Variants in SPRY3 observed in about 807,000 individuals in gnomAD.
The protein encoded by SPRY3 is protein sprouty homolog 3.
SPRY3 carries 15 observed loss-of-function variants against 20.2 expected under a neutral mutation model. The observed-to-expected ratio is 0.74, with a 90% CI of 0.50 to 1.14. The LOEUF is 1.14. SPRY3 is among the 50% of genes most tolerant of loss of function. The pLI is 0.00. For synonymous variants in SPRY3, 143 were observed against 136.5 expected (o/e 1.05, Z -0.33); for missense variants, 364 against 363.9 (o/e 1.00, Z 0.00).
chrX:155,774,624 C>T, exon 4 of SPRY3: 4 of 1,613,966 alleles, frequency 2.5e-6, no homozygotes, highest in Non-Finnish European at 2.5e-6. Context: ...GCCAACAGGG[C>T]TATGATAGCC....
At chrX:155,681,044 A>G (rs1047537302) in intron 2 of SPRY3, among the ~76,000 whole-genome samples, 1 of 111,084 alleles carries the variant, frequency 9.0e-6, no homozygotes, top group African/African-American at 3.3e-5. Flanking sequence ...GAGACACAAC[A>G]ATATTTAAAT....
chrX:155,760,140 A>G (rs143793560), intron 2 of SPRY3, among the ~76,000 whole-genome samples: 2 of 152,320 alleles, frequency 1.3e-5, no homozygotes, highest in Non-Finnish European at 2.9e-5. Flanking sequence ...TAGAGTAGTA[A>G]TCTCTCAGAA....
At chrX:155,644,810 G>A (rs1275097230) in intron 1 of SPRY3, among the ~76,000 whole-genome samples, 1 of 111,167 alleles carries the variant, frequency 9.0e-6, no homozygotes, top group Non-Finnish European at 1.9e-5. Context: ...GGGACCCCAA[G>A]AGTCCACTTG....
chrX:155,675,124 A>T (rs782454481), intron 2 of SPRY3, among the ~76,000 whole-genome samples: 2 of 112,093 alleles, frequency 1.8e-5, no homozygotes, highest in Non-Finnish European at 3.8e-5. Flanking sequence ...AATACAAAAC[A>T]TTGTCAAATG....
exon 4 of SPRY3, chrX:155,774,758 C>G (rs760550652): frequency 3.6e-5 from 57 of 1,593,244 alleles, no homozygotes; most frequent in South Asian, 4.6e-5. Context: ...AAGGTGGATC[C>G]AGAGCTTTTC....
At chrX:155,721,140 A>C (rs749349331) in intron 2 of SPRY3, among the ~76,000 whole-genome samples, 1 of 152,236 alleles carries the variant, frequency 6.6e-6, no homozygotes, top group Non-Finnish European at 1.5e-5. Context: ...TGAAAAATGC[A>C]GTAGGCATAC....
intron 2 of SPRY3, among the ~76,000 whole-genome samples, chrX:155,753,080 T>TA (rs1167290585): frequency 2.0e-5 from 3 of 151,902 alleles, no homozygotes; most frequent in African/African-American, 7.2e-5. Context: ...ATGTATTCTT[T>TA]AAAAAACAGC....
chrX:155,779,445 T>C (rs2091450334), downstream of SPRY3: 1 of 167,018 alleles, frequency 6.0e-6, no homozygotes, highest in South Asian at 2.1e-4. Flanking sequence ...CCTGAACCTA[T>C]TTATTCTCTA....
intron 2 of SPRY3, among the ~76,000 whole-genome samples, chrX:155,661,191 AT>A (rs1301781346): frequency 8.9e-6 from 1 of 111,789 alleles, no homozygotes; most frequent in Non-Finnish European, 1.9e-5. Context: ...CTTGTTGAAA[AT>A]TCCTTTCAGC....
chrX:155,688,789 ATCACCTAGC>A (rs2068095340), intron 2 of SPRY3, among the ~76,000 whole-genome samples: 1 of 98,213 alleles, frequency 1.0e-5, no homozygotes, highest in African/African-American at 4.1e-5. Flanking sequence ...TTATCAACCC[ATCACCTAGC>A]TCTTTTCCCT....
intron 1 of SPRY3, among the ~76,000 whole-genome samples, chrX:155,644,641 A>G (rs1557351705): frequency 9.0e-6 from 1 of 111,033 alleles, no homozygotes; most frequent in Non-Finnish European, 1.9e-5. Context: ...CACAGGGAGT[A>G]CTGCCAGGCT....
intron 2 of SPRY3, among the ~76,000 whole-genome samples, chrX:155,668,127 G>C (rs1247879294): frequency 9.0e-6 from 1 of 110,873 alleles, no homozygotes; most frequent in Non-Finnish European, 1.9e-5. Context: ...AAACAAATGT[G>C]CATGTTCACC....
chrX:155,774,406 G>T lies in SPRY3; in HGVS notation c.535G>T (p.Glu179Ter). The T allele has an allele frequency of 6.2e-7, 1 of 1,614,028 alleles. No homozygotes were observed. The highest frequency in any genetic ancestry group is 8.5e-7 in the Non-Finnish European group (1 of 1,179,874). Reference sequence around the variant, plus strand: ...CAACCAGCGCTGCCTTTGCTCTGCTGAGAGCCTCCTCGATTATGGCACTTG... The same window carrying T: ...CAACCAGCGCTGCCTTTGCTCTGCTTAGAGCCTCCTCGATTATGGCACTTG... Residue 179 changes from glutamate to a stop codon, truncating the protein, a stop_gained, in exon 4 of 4, where the codon GAG (glutamate) becomes TAG (stop). Transcript: ENST00000675360. LOFTEE classifies it high-confidence loss of function.
chrX:155,693,782 AT>A lies in SPRY3; in HGVS notation c.-282+36761del, dbSNP rs758378113. ...TTTTATACATACTGATAATCTCTGTATTTTCATTGGAATGTTTAATTCTTTT... is the reference window on the plus strand; with the variant it reads ...TTTTATACATACTGATAATCTCTGTATTTCATTGGAATGTTTAATTCTTTT... On this transcript the variant is annotated intron_variant, in intron 2 of 3. Coordinates refer to ENST00000675360, the Ensembl canonical transcript of SPRY3. 5.6e-3 allele frequency among the ~76,000 whole-genome samples: 550 copies of A among 98,583 alleles called. 3 individuals are homozygous for A. Among genetic ancestry groups the A allele is most frequent in the African/African-American group, 0.019 (504 of 27,193 alleles). 85.6% of individuals were successfully genotyped at this position (98,583 alleles called of 115,157 possible).
intron 2 of SPRY3, among the ~76,000 whole-genome samples, chrX:155,662,556 G>A (rs1456448994): frequency 9.1e-6 from 1 of 109,609 alleles, no homozygotes; most frequent in Non-Finnish European, 1.9e-5. Flanking sequence ...GCTGAGCAAT[G>A]TGCAGTTGTG....
chrX:155,766,790 C>T (rs892182545), intron 2 of SPRY3, among the ~76,000 whole-genome samples: 2 of 152,148 alleles, frequency 1.3e-5, no homozygotes, highest in Admixed American at 1.3e-4. Flanking sequence ...TCCACAACAC[C>T]TAGCACAAAG....
intron 2 of SPRY3, among the ~76,000 whole-genome samples, chrX:155,765,960 T>C (rs142913475): frequency 0.028 from 4,339 of 152,308 alleles, 71 homozygotes; most frequent in South Asian, 0.036. Flanking sequence ...CTATTTGACC[T>C]GAATCTAGTT....
intron 2 of SPRY3, among the ~76,000 whole-genome samples, chrX:155,736,899 G>C (rs59234242): frequency 6.6e-6 from 1 of 151,436 alleles, no homozygotes; most frequent in Admixed American, 6.6e-5. Flanking sequence ...TTTTCTCTTC[G>C]ATTTTCAGCT....
chrX:155,623,674 G>C (rs2067878525), intron 1 of SPRY3, among the ~76,000 whole-genome samples: 1 of 111,894 alleles, frequency 8.9e-6, no homozygotes, highest in Non-Finnish European at 1.9e-5. Context: ...GTTAGAACTT[G>C]TCATTGCTTA....
Sources: allele counts gnomAD v4.1 joint callset (sites outside exome capture counted in the v4.1 genomes callset), GRCh38; gene constraint gnomAD v4.1.1; transcripts MANE v1.5; gene names NCBI Gene and HGNC (gene_info 2026-07-23, HGNC 2026-07-21).